NTSR2: variants seen among roughly 807,000 people sequenced by gnomAD.
The protein encoded by NTSR2 is neurotensin receptor 2.
A neutral mutation model predicts 24.1 loss-of-function variants in NTSR2; 22 were observed. The observed-to-expected ratio is 0.91, with a 90% confidence interval of 0.65 to 1.30. NTSR2 has a LOEUF of 1.30. Among genes scored for constraint, NTSR2 ranks in the 50% most tolerant of loss-of-function variants. NTSR2 has a pLI of 0.00. For missense variants in NTSR2, 570 were observed against 570.4 expected (o/e 1.00, Z 0.01); for synonymous variants, 291 against 267.0 (o/e 1.09, Z -0.88).
chr2:11,661,843 G>A, intron 2 of NTSR2, 124 bp downstream of exon 2: 3 of 828,938 alleles, frequency 3.6e-6, no homozygotes, highest in South Asian at 2.1e-5. Flanking sequence ...TTCCCCTGGG[G>A]CATAGGGTAA....
intron 3 of NTSR2, among the ~76,000 whole-genome samples, chr2:11,659,185 A>C (rs1423293460): frequency 6.6e-6 from 1 of 152,190 alleles, no homozygotes; most frequent in Non-Finnish European, 1.5e-5. Context: ...TAAATGTTTC[A>C]TCACCAGCAG....
intron 1 of NTSR2, among the ~76,000 whole-genome samples, chr2:11,667,266 C>CAA (rs1661224584): frequency 1.3e-5 from 2 of 151,984 alleles, no homozygotes; most frequent in Non-Finnish European, 2.9e-5. Context: ...ACATAGAGTT[C>CAA]TGACTACACC....
intron 1 of NTSR2, 47 bp downstream of exon 1, chr2:11,669,459 C>CGGGGCGGGGG: frequency 3.3e-5 from 11 of 337,890 alleles, no homozygotes; most frequent in Non-Finnish European, 3.7e-5. Context: ...CTCCCAGCAC[C>CGGGGCGGGGG]GCCCCCCCAC....
At position 11,658,372 on chromosome 2, in the gene NTSR2, G is replaced by A. The variant is rs906275635; in HGVS notation, c.*107C>T. 24 of 1,459,916 alleles carry A rather than the reference G, an allele frequency of 1.6e-5. No individual in the cohort carries two copies. Among genetic ancestry groups the A allele is most frequent in the African/African-American group, 5.7e-5 (4 of 70,596 alleles). 90.4% of individuals were successfully genotyped at this position (1,459,916 alleles called of 1,614,324 possible). A position where few individuals can be genotyped will look rare whatever the true frequency, so the allele number is the denominator to read the frequency against. On this transcript the variant is annotated 3_prime_UTR_variant, in exon 4 of 4. Coordinates refer to ENST00000306928, the MANE Select transcript of NTSR2 (RefSeq NM_012344.4). ...AGCAGAGCAGGGGTTGATAGAAGTC[G>A]CCCTGGCTGCGAAGCTTGAATGATT... is the stretch of plus-strand genomic sequence containing the variant.
chr2:11,660,624 C>A (rs966722821), intron 2 of NTSR2, among the ~76,000 whole-genome samples: 3 of 152,068 alleles, frequency 2.0e-5, no homozygotes, highest in African/African-American at 7.2e-5. Context: ...GCCTGTAATC[C>A]CAGCTACCTG....
intron 1 of NTSR2, 65 bp from the exon 2 acceptor site, chr2:11,662,305 G>A (rs1661092329): frequency 1.4e-6 from 2 of 1,413,640 alleles, no homozygotes; most frequent in East Asian, 2.5e-5. Context: ...CCATCTGGCT[G>A]TGCCCCAGAC....
intron 1 of NTSR2, among the ~76,000 whole-genome samples, chr2:11,664,280 C>A (rs1348437789): frequency 6.6e-6 from 1 of 152,116 alleles, no homozygotes; most frequent in African/African-American, 2.4e-5. Context: ...CTACGCCTGG[C>A]TAATTTTTGT....
At position 11,658,404 on chromosome 2, in the gene NTSR2, G is replaced by T. The variant is rs1450397823; in HGVS notation, c.*75C>A. The T allele has an allele frequency of 6.6e-7, 1 of 1,517,530 alleles. No homozygotes were observed. 94.0% of individuals were successfully genotyped at this position (1,517,530 alleles called of 1,614,324 possible). A position where few individuals can be genotyped will look rare whatever the true frequency, so the allele number is the denominator to read the frequency against. ...CTGCGAAGCTTGAATGATTAGTGAT[G>T]AGGTTGCTCACCTGCTTTGCCAGGT... On this transcript the variant is annotated 3_prime_UTR_variant, in exon 4 of 4. Coordinates refer to ENST00000306928, the MANE Select transcript of NTSR2 (RefSeq NM_012344.4).
intron 2 of NTSR2, 126 bp downstream of exon 2, chr2:11,661,841 G>A (rs1661077777): frequency 1.2e-6 from 1 of 807,960 alleles, no homozygotes; most frequent in African/African-American, 1.8e-5. Context: ...AGTTCCCCTG[G>A]GGCATAGGGT....
At chr2:11,666,001 C>T (rs1661190942) in intron 1 of NTSR2, 1 of 152,490 alleles carries the variant, frequency 6.6e-6, no homozygotes, top group African/African-American at 2.4e-5. Flanking sequence ...GAAACCAGGT[C>T]AAGACTGCAG....
At chr2:11,661,937 C>A in intron 2 of NTSR2, 30 bp downstream of exon 2, 1 of 1,520,874 alleles carries the variant, frequency 6.6e-7, no homozygotes, top group Non-Finnish European at 8.8e-7. Context: ...AGGCCCCTTT[C>A]TTCTGGGGTG....
chr2:11,669,460 G>GGGGGGGGGGGGCCCCCCCC, intron 1 of NTSR2, 46 bp downstream of exon 1: 8 of 254,714 alleles, frequency 3.1e-5, no homozygotes, highest in East Asian at 5.5e-5. Flanking sequence ...TCCCAGCACC[G>GGGGGGGGGGGGCCCCCCCC]CCCCCCCACC....
intron 1 of NTSR2, among the ~76,000 whole-genome samples, chr2:11,666,285 A>G (rs1661197420): frequency 6.6e-6 from 1 of 152,186 alleles, no homozygotes; most frequent in Non-Finnish European, 1.5e-5. Context: ...TCCTCATCCT[A>G]CCAAACTCTC....
chr2:11,658,657 G>A lies in NTSR2; in HGVS notation c.1055C>T (p.Ala352Val). Reference protein sequence around the residue: ...VTNTLFYVSSAVTPLLYNAVS... With the variant: ...VTNTLFYVSSVVTPLLYNAVS... ...GGCGTTGTAGAGAAGAGGAGTCACAGCTGAGCTGACGTAGAAAAGTGTGTT... is the reference window on the plus strand; with the variant it reads ...GGCGTTGTAGAGAAGAGGAGTCACAACTGAGCTGACGTAGAAAAGTGTGTT... Residue 352 changes from alanine (A) to valine (V), a missense_variant, in exon 4 of 4, where the codon GCT (alanine) becomes GTT (valine). Transcript: ENST00000306928. The A allele has an allele frequency of 1.2e-6, 2 of 1,614,150 alleles. No homozygotes were observed. Among genetic ancestry groups the A allele is most frequent in the Non-Finnish European group, 1.7e-6 (2 of 1,180,010 alleles).
In NTSR2 at chr2:11,658,590, G is replaced by A. The variant is rs1660986583; in HGVS notation, c.1122C>T (p.Ser374=). 1.9e-6 allele frequency: 3 copies of A among 1,614,118 alleles called. No individual in the cohort carries two copies. The change falls in exon 4 of 4, where the codon AGC becomes AGT. Residue 374 remains serine, a synonymous_variant. Transcript: ENST00000306928. ...TGGGGTGGTGCTCTCCACACAGGGA[G>A]CTGACGGCTTCCAGGAAGAGTTTTC... ...SFRKLFLEAV[S]SLCGEHHPMK...
At chr2:11,661,802 G>T (rs779035749) in intron 2 of NTSR2, among the ~76,000 whole-genome samples, 165 bp downstream of exon 2, 15 of 152,108 alleles carry the variant, frequency 9.9e-5, no homozygotes, top group Non-Finnish European at 2.1e-4. Context: ...TTATAGCACC[G>T]AACCCTACAG....
At chr2:11,669,460 G>GGGCGGGGGGGGCCCCCCC in intron 1 of NTSR2, 46 bp downstream of exon 1, 1 of 254,726 alleles carries the variant, frequency 3.9e-6, no homozygotes, top group Non-Finnish European at 6.9e-6. Flanking sequence ...TCCCAGCACC[G>GGGCGGGGGGGGCCCCCCC]CCCCCCCACC....
intron 2 of NTSR2, among the ~76,000 whole-genome samples, chr2:11,661,068 C>T (rs1661061717): frequency 6.6e-6 from 1 of 152,166 alleles, no homozygotes; most frequent in African/African-American, 2.4e-5. Context: ...ATCATCTAGC[C>T]CAGGGTAGCC....
At chr2:11,659,436 T>C (rs2148482449) in intron 3 of NTSR2, among the ~76,000 whole-genome samples, 1 of 152,316 alleles carries the variant, frequency 6.6e-6, no homozygotes, top group South Asian at 2.1e-4. Context: ...CACGAGCTCA[T>C]GTTGCCCGTG....
Sources: allele counts gnomAD v4.1 joint callset (sites outside exome capture counted in the v4.1 genomes callset), GRCh38; gene constraint gnomAD v4.1.1; transcripts MANE v1.5; gene names NCBI Gene and HGNC (gene_info 2026-07-23, HGNC 2026-07-21).